HIP1: variants seen among roughly 807,000 people sequenced by gnomAD.
The protein encoded by HIP1 is huntingtin-interacting protein 1.
HIP1 carries 65 observed loss-of-function variants against 147.6 expected under a neutral mutation model. The observed-to-expected ratio is 0.44, with a 90% CI of 0.36 to 0.54. The LOEUF is 0.54. Ranked by LOEUF, HIP1 falls within the 20% of genes least tolerant of loss-of-function variation. The pLI, the probability that HIP1 is intolerant of heterozygous loss-of-function variation, is 0.00. For missense variants in HIP1, 1,061 were observed against 1,299.6 expected, an observed-to-expected ratio of 0.82 and a Z score of 2.82; for synonymous variants, 479 against 504.0, an observed-to-expected ratio of 0.95 and a Z score of 0.67.
At position 75,534,950 on chromosome 7, in the gene HIP1, G is replaced by A. The variant is rs1263367982; in HGVS notation, c.*3222C>T. 9.7e-6 allele frequency: 2 copies of A among 206,220 alleles called. No homozygotes were observed. Among genetic ancestry groups the A allele is most frequent in the Non-Finnish European group, 2.0e-5 (2 of 101,162 alleles). The allele number at this position is 206,220 out of a possible 1,614,324, so 12.8% of individuals were successfully genotyped here. A position where few individuals can be genotyped will look rare whatever the true frequency, so the allele number is the denominator to read the frequency against. ...TAGAAGGCTTGCAGGTTCATTTTTAGCTTTAAGATGTGATTCCCGTTTTAA... is the reference window on the plus strand; with the variant it reads ...TAGAAGGCTTGCAGGTTCATTTTTAACTTTAAGATGTGATTCCCGTTTTAA... On this transcript the variant is annotated 3_prime_UTR_variant, in exon 31 of 31. Transcript: ENST00000336926.
intron 1 of HIP1, among the ~76,000 whole-genome samples, chr7:75,619,056 C>T (rs781878124): frequency 1.3e-5 from 2 of 152,034 alleles, no homozygotes; most frequent in Non-Finnish European, 2.9e-5. Context: ...TTGGCTAGGC[C>T]GGGATATCAT....
chr7:75,633,874 T>A (rs1336851526), intron 1 of HIP1, among the ~76,000 whole-genome samples: 2 of 152,090 alleles, frequency 1.3e-5, no homozygotes, highest in Non-Finnish European at 2.9e-5. Context: ...TCCACCCCTC[T>A]CATCGGCCTG....
chr7:75,629,410 C>T (rs1019023572), intron 1 of HIP1, among the ~76,000 whole-genome samples: 8 of 152,208 alleles, frequency 5.3e-5, no homozygotes, highest in Admixed American at 1.3e-4. Flanking sequence ...AACATTCATT[C>T]CCCAGGGTTG....
chr7:75,729,240 G>A (rs1397896488), intron 1 of HIP1, among the ~76,000 whole-genome samples: 3 of 144,020 alleles, frequency 2.1e-5, no homozygotes, highest in South Asian at 2.2e-4. Flanking sequence ...AGGCTGAGGC[G>A]AGAGGATCGC....
In HIP1 at chr7:75,533,392, G is replaced by A. The variant is rs587698525; in HGVS notation, c.*4780C>T. 2.2e-5 allele frequency: 5 copies of A among 229,396 alleles called. No homozygotes were observed. The East Asian group carries it at 2.5e-4, about 11-fold the overall frequency. 14.2% of individuals were successfully genotyped at this position (229,396 alleles called of 1,614,324 possible). A position where few individuals can be genotyped will look rare whatever the true frequency, so the allele number is the denominator to read the frequency against. ...TAATACCATAATAAAAGTATTGTTGGAGGGAAACAGAAGCCAGTGGCCACC... is the reference window on the plus strand; with the variant it reads ...TAATACCATAATAAAAGTATTGTTGAAGGGAAACAGAAGCCAGTGGCCACC... On this transcript the variant is annotated 3_prime_UTR_variant, in exon 31 of 31. Transcript: ENST00000336926.
At chr7:75,681,314 GA>G (rs1364698116) in intron 1 of HIP1, among the ~76,000 whole-genome samples, 2 of 151,966 alleles carry the variant, frequency 1.3e-5, no homozygotes, top group Non-Finnish European at 2.9e-5. Context: ...CCTGCAATAA[GA>G]AGCATCTTCT....
At chr7:75,719,276 G>A (rs1350865831) in intron 1 of HIP1, among the ~76,000 whole-genome samples, 5 of 152,058 alleles carry the variant, frequency 3.3e-5, no homozygotes, top group East Asian at 1.9e-4. Flanking sequence ...AGGCCAAGGC[G>A]GGCGGATCAT....
chr7:75,639,100 G>A, intron 1 of HIP1: 2 of 984,598 alleles, frequency 2.0e-6, no homozygotes, highest in Non-Finnish European at 2.4e-6. Context: ...CCCCACCCCT[G>A]GAGATCCCGC....
chr7:75,620,820 G>A (rs587710684), intron 1 of HIP1, among the ~76,000 whole-genome samples: 1 of 152,252 alleles, frequency 6.6e-6, no homozygotes, highest in East Asian at 1.9e-4. Context: ...ATGGCGAGAG[G>A]TGCTATGGAA....
intron 23 of HIP1, 33 bp from the exon 24 acceptor site, chr7:75,547,846 C>T (rs587714610): frequency 9.4e-6 from 15 of 1,588,986 alleles, no homozygotes; most frequent in East Asian, 2.2e-5. Context: ...CTAAATGTGC[C>T]TTGAATATTA....
intron 1 of HIP1, among the ~76,000 whole-genome samples, chr7:75,604,400 G>A (rs2117029764): frequency 6.6e-6 from 1 of 152,300 alleles, no homozygotes; most frequent in East Asian, 1.9e-4. Flanking sequence ...GGGGCTGGAT[G>A]TGGTGGCTCA....
intron 5 of HIP1, among the ~76,000 whole-genome samples, chr7:75,583,333 T>A (rs1310654216): frequency 2.0e-5 from 3 of 152,098 alleles, no homozygotes; most frequent in Non-Finnish European, 4.4e-5. Context: ...CTGCCGACTG[T>A]CCCTGGAGAA....
intron 1 of HIP1, among the ~76,000 whole-genome samples, chr7:75,615,194 C>T (rs951322491): frequency 2.0e-5 from 3 of 152,280 alleles, no homozygotes; most frequent in Middle Eastern, 3.4e-3. Context: ...AGCCATGCAC[C>T]TGCACATGGC....
chr7:75,734,107 G>A (rs953488324), intron 1 of HIP1, among the ~76,000 whole-genome samples: 3 of 151,838 alleles, frequency 2.0e-5, no homozygotes, highest in African/African-American at 4.8e-5. Context: ...TTAGCCGGGC[G>A]TGGTGGCGCT....
chr7:75,729,665 A>C (rs539580558), intron 1 of HIP1, among the ~76,000 whole-genome samples: 10 of 152,112 alleles, frequency 6.6e-5, no homozygotes, highest in Non-Finnish European at 1.5e-5. Context: ...AGGCGCCTGT[A>C]ATCCCAGCTA....
chr7:75,544,000 G>A lies in HIP1; in HGVS notation c.2766+695C>T, dbSNP rs968822429. On this transcript the variant is annotated intron_variant, in intron 27 of 30. Coordinates refer to ENST00000336926, the MANE Select transcript of HIP1 (RefSeq NM_005338.7). ...ATCCTGGCTAACGCGGTGAAACCCCGTCTCCACTAAAAATACAAAAAATTA... is the reference window on the plus strand; with the variant it reads ...ATCCTGGCTAACGCGGTGAAACCCCATCTCCACTAAAAATACAAAAAATTA... Among the ~76,000 whole-genome samples, 6 of 152,136 alleles carry A rather than the reference G, an allele frequency of 3.9e-5. No individual in the cohort carries two copies. The South Asian group carries it at 8.3e-4, about 21-fold the overall frequency.
At chr7:75,666,117 C>T (rs1799552231) in intron 1 of HIP1, among the ~76,000 whole-genome samples, 1 of 151,894 alleles carries the variant, frequency 6.6e-6, no homozygotes, top group African/African-American at 2.4e-5. Context: ...ACTGGTCACC[C>T]TCTTGTATGG....
chr7:75,609,906 T>C (rs1336125602), intron 1 of HIP1, among the ~76,000 whole-genome samples: 2 of 147,690 alleles, frequency 1.4e-5, no homozygotes, highest in Admixed American at 6.7e-5. Flanking sequence ...TTCTTTTCTT[T>C]TTTTTTTTTT....
At chr7:75,542,819 G>A in intron 28 of HIP1, 32 bp downstream of exon 28, 1 of 1,611,340 alleles carries the variant, frequency 6.2e-7, no homozygotes, top group Non-Finnish European at 8.5e-7. Context: ...TCAACAGGGT[G>A]GGTAAGAAAA....
Sources: gnomAD v4.1 joint callset for allele counts (sites outside exome capture counted in the v4.1 genomes callset) on GRCh38, gnomAD v4.1.1 for gene constraint, MANE v1.5 for transcripts, NCBI Gene and HGNC (gene_info 2026-07-23, HGNC 2026-07-21) for gene names.